GHR: variants seen among roughly 807,000 people sequenced by gnomAD.
GHR encodes GH receptor.
In GHR, 35 loss-of-function variants were observed where a neutral mutation model predicts 67.1. The observed-to-expected ratio is 0.52, with a 90% CI of 0.40 to 0.69. GHR has a LOEUF of 0.69. GHR is among the 30% of genes least tolerant of loss of function. GHR has a pLI of 0.00. For synonymous variants in GHR, 272 were observed against 269.1 expected (o/e 1.01, Z -0.10); for missense variants, 792 against 764.6 (o/e 1.04, Z -0.42).
At chr5:42,430,748 G>A (rs1162773990) in intron 1 of GHR, among the ~76,000 whole-genome samples, 1 of 151,908 alleles carries the variant, frequency 6.6e-6, no homozygotes, top group East Asian at 1.9e-4. Context: ...CAATGATTCA[G>A]TTCCTTTTTT....
chr5:42,520,267 T>C (rs1367564064), intron 1 of GHR, among the ~76,000 whole-genome samples: 1 of 152,100 alleles, frequency 6.6e-6, no homozygotes, highest in African/African-American at 2.4e-5. Flanking sequence ...GTACCTATTA[T>C]ACAAGGGGAA....
At chr5:42,607,314 G>T (rs906168868) in intron 2 of GHR, among the ~76,000 whole-genome samples, 2 of 152,208 alleles carry the variant, frequency 1.3e-5, no homozygotes, top group Admixed American at 6.5e-5. Flanking sequence ...AGCTGTAAAA[G>T]TTGAGGTGCT....
At chr5:42,608,523 G>A (rs1752737453) in intron 2 of GHR, among the ~76,000 whole-genome samples, 2 of 151,778 alleles carry the variant, frequency 1.3e-5, no homozygotes, top group South Asian at 2.1e-4. Context: ...GATGAGTGTC[G>A]TTTAGTGACA....
At chr5:42,700,440 G>A (rs913340156) in intron 6 of GHR, among the ~76,000 whole-genome samples, 15 of 152,080 alleles carry the variant, frequency 9.9e-5, no homozygotes, top group Admixed American at 3.9e-4. Flanking sequence ...GAAAACAGAG[G>A]GAGGGAATTT....
chr5:42,682,085 AGC>A (rs1756911101), intron 3 of GHR, among the ~76,000 whole-genome samples: 2 of 152,340 alleles, frequency 1.3e-5, no homozygotes, highest in Admixed American at 6.5e-5. Context: ...AATACTATGC[AGC>A]CATAAAAAAG....
intron 1 of GHR, chr5:42,565,599 T>C: frequency 1.0e-6 from 1 of 985,398 alleles, no homozygotes; most frequent in Non-Finnish European, 1.2e-6. Context: ...TTTCTATGGC[T>C]TTGAGCCAGG....
chr5:42,721,865 A>G lies in GHR; in HGVS notation c.*2441A>G, dbSNP rs1759036473. 3 of 152,324 alleles carry G rather than the reference A, an allele frequency of 2.0e-5. No individual in the cohort carries two copies. The highest frequency in any genetic ancestry group is 1.3e-4 in the Admixed American group (2 of 15,276). 9.4% of individuals were successfully genotyped at this position (152,324 alleles called of 1,614,324 possible). ...TTCTGTTATCAAACACCAACATAAA[A>G]ATGATCTAAACCACTCTGTATACTG... On this transcript the variant is annotated 3_prime_UTR_variant, in exon 10 of 10. Transcript: ENST00000230882.
chr5:42,650,125 A>C (rs2112820125), intron 3 of GHR, among the ~76,000 whole-genome samples: 1 of 152,304 alleles, frequency 6.6e-6, no homozygotes, highest in East Asian at 1.9e-4. Context: ...AGAAAGAAAA[A>C]AAATATGGCT....
intron 3 of GHR, among the ~76,000 whole-genome samples, chr5:42,658,903 T>C (rs560643181): frequency 3.3e-4 from 51 of 152,324 alleles, no homozygotes; most frequent in African/African-American, 1.2e-3. Context: ...AGAGTGGATG[T>C]GGATTAAAAG....
chr5:42,458,464 T>TA (rs35927683), intron 1 of GHR, among the ~76,000 whole-genome samples: 26,908 of 151,914 alleles, frequency 0.18, 2,699 homozygotes, highest in Non-Finnish European at 0.21. Context: ...TTACACCATA[T>TA]AAAAAAATCA....
At chr5:42,706,098 G>C (rs1289275954) in intron 6 of GHR, among the ~76,000 whole-genome samples, 5 of 152,060 alleles carry the variant, frequency 3.3e-5, no homozygotes, top group Admixed American at 3.3e-4. Context: ...TGACTGCTGT[G>C]ATGTAGTATC....
chr5:42,515,832 C>T (rs1302948800), intron 1 of GHR, among the ~76,000 whole-genome samples: 27 of 152,164 alleles, frequency 1.8e-4, no homozygotes, highest in Non-Finnish European at 8.8e-5. Context: ...TCAGTTTTAT[C>T]GCAGCCTATG....
At chr5:42,571,844 C>T (rs1233002253) in intron 2 of GHR, among the ~76,000 whole-genome samples, 1 of 152,116 alleles carries the variant, frequency 6.6e-6, no homozygotes, top group Non-Finnish European at 1.5e-5. Context: ...ATGGGGTAGA[C>T]AGGAATGAGG....
At chr5:42,523,486 G>T (rs1473467711) in intron 1 of GHR, among the ~76,000 whole-genome samples, 1 of 152,074 alleles carries the variant, frequency 6.6e-6, no homozygotes, top group Non-Finnish European at 1.5e-5. Context: ...CTGTTTTGGT[G>T]ATCTGTGATG....
At chr5:42,685,751 A>G (rs1757107764) in intron 3 of GHR, among the ~76,000 whole-genome samples, 1 of 152,088 alleles carries the variant, frequency 6.6e-6, no homozygotes, top group Non-Finnish European at 1.5e-5. Flanking sequence ...TCTTTTGAGA[A>G]GTGTCTGTTT....
chr5:42,566,015 G>A (rs1749912257), intron 2 of GHR, 71 bp downstream of exon 2: 1 of 1,539,794 alleles, frequency 6.5e-7, no homozygotes, highest in African/African-American at 1.4e-5. Context: ...CTACATCCAA[G>A]TTTTTTGGAT....
Position 42,653,178 on chromosome 5 carries a change from T to C in GHR, c.136+24075T>C, listed in dbSNP as rs145278003. On this transcript the variant is annotated intron_variant, in intron 3 of 9. Transcript: ENST00000230882. Reference sequence around the variant, plus strand: ...GTTAAAATGAGCTTTAGTATGTGGATAATAGTAGCAGAATTTCCTGAATGA... The same window carrying C: ...GTTAAAATGAGCTTTAGTATGTGGACAATAGTAGCAGAATTTCCTGAATGA... 6.3e-3 allele frequency among the ~76,000 whole-genome samples: 959 copies of C among 152,276 alleles called. 5 individuals carry two copies. The highest frequency in any genetic ancestry group is 0.01 in the Non-Finnish European group (709 of 68,012).
At chr5:42,469,082 A>G (rs1744881482) in intron 1 of GHR, among the ~76,000 whole-genome samples, 1 of 152,254 alleles carries the variant, frequency 6.6e-6, no homozygotes, top group Non-Finnish European at 1.5e-5. Context: ...ATAGTTCTAG[A>G]TAATACTATT....
chr5:42,629,170 A>C, intron 3 of GHR, 67 bp downstream of exon 3: 2 of 850,356 alleles, frequency 2.4e-6, no homozygotes, highest in Non-Finnish European at 3.9e-6. Context: ...TTAAGCTACT[A>C]TCCTTTCTCT....
Sources: gnomAD v4.1 joint callset for allele counts (sites outside exome capture counted in the v4.1 genomes callset) on GRCh38, gnomAD v4.1.1 for gene constraint, MANE v1.5 for transcripts, NCBI Gene and HGNC (gene_info 2026-07-23, HGNC 2026-07-21) for gene names.